CLPTM1L: variants seen among roughly 807,000 people sequenced by gnomAD.
CLPTM1L encodes CLPTM1 like.
Under a neutral mutation model 70.9 loss-of-function variants are expected in CLPTM1L, and 38 were observed. That is an observed-to-expected ratio of 0.54 (90% CI 0.41 to 0.70). The LOEUF (loss-of-function observed/expected upper bound fraction) is 0.70, where lower values mean the gene tolerates loss of function less well. Ranked by LOEUF, CLPTM1L falls within the 30% of genes least tolerant of loss-of-function variation. The pLI, the probability that CLPTM1L is intolerant of heterozygous loss-of-function variation, is 0.00. For missense variants in CLPTM1L, 652 were observed against 705.9 expected (o/e 0.92, Z 0.87); for synonymous variants, 339 against 299.9 (o/e 1.13, Z -1.35).
chr5:1,339,077 T>TA, intron 3 of CLPTM1L, 72 bp from the exon 4 acceptor site: 1 of 1,531,438 alleles, frequency 6.5e-7, no homozygotes, highest in Non-Finnish European at 8.8e-7. Flanking sequence ...GTCAGCCCCC[T>TA]AACCTGCGAA....
rs62329705 is a variant in CLPTM1L at position 1,333,661 on chromosome 5, G to A, written c.891+628C>T. Among the ~76,000 whole-genome samples, 381 of 59,348 alleles carry A rather than the reference G, an allele frequency of 6.4e-3. 2 individuals carry two copies. The highest frequency in any genetic ancestry group is 0.014 in the East Asian group (26 of 1,828). The allele number at this position is 59,348 out of a possible 152,430, so 38.9% of individuals were successfully genotyped here. On this transcript the variant is annotated intron_variant, in intron 7 of 16. Coordinates refer to ENST00000320895, the MANE Select transcript of CLPTM1L (RefSeq NM_030782.5). The stretch of plus-strand genomic sequence containing the variant: ...TAAGGGGGACTACTGTATACACACC[G>A]GCTGAGGATAAGGGGGGACTACTGT...
At chr5:1,331,973 G>T in intron 7 of CLPTM1L, 90 bp from the exon 8 acceptor site, 1 of 1,030,766 alleles carries the variant, frequency 9.7e-7, no homozygotes. Context: ...GTGACCGTGA[G>T]ACTGCAGGTG....
intron 9 of CLPTM1L, among the ~76,000 whole-genome samples, chr5:1,329,574 T>C (rs113771751): frequency 0.052 from 4,425 of 85,258 alleles, 23 homozygotes; most frequent in East Asian, 0.11. Flanking sequence ...GACTCTCTGC[T>C]TGGTGGACAG....
At chr5:1,344,477 C>G (rs1560875533) in intron 1 of CLPTM1L, 26 bp from the exon 2 acceptor site, 11 of 1,592,116 alleles carry the variant, frequency 6.9e-6, no homozygotes. Context: ...CGTCGAGAGT[C>G]AGCTCGGCCA....
rs553683279 is a variant in CLPTM1L, at chr5:1,318,954, C to A, written c.1533-501G>T. Among the ~76,000 whole-genome samples, 1 of 152,364 alleles carries A rather than the reference C, an allele frequency of 6.6e-6. No homozygotes were observed. Among genetic ancestry groups the A allele is most frequent in the East Asian group, 1.9e-4 (1 of 5,190 alleles). ...TGGCATAAGGGGCAGCTCTACACGG[C>A]CGCGAACAGAAGTACAGGGTTTCAG... On this transcript the variant is annotated intron_variant, in intron 16 of 16. Coordinates refer to ENST00000320895, the MANE Select transcript of CLPTM1L (RefSeq NM_030782.5). The surrounding 1 kb of genome is among the most constrained non-coding windows in gnomAD (Gnocchi z 8.9).
intron 7 of CLPTM1L, among the ~76,000 whole-genome samples, chr5:1,332,995 AGGATAAGGGGGGAATACTGTAGACACACC>A (rs1353854188): frequency 1.3e-4 from 19 of 149,906 alleles, no homozygotes; most frequent in South Asian, 4.3e-4. Flanking sequence ...ACACGGGATG[AGGATAAGGGGGGAATACTGTAGACACACC>A]GGATAAGGGG....
intron 11 of CLPTM1L, among the ~76,000 whole-genome samples, chr5:1,324,557 A>G (rs1376493644): frequency 2.0e-5 from 3 of 152,150 alleles, no homozygotes; most frequent in Non-Finnish European, 4.4e-5. Flanking sequence ...TGTGCCTGTA[A>G]GGACTGGGAA....
Position 1,322,188 on chromosome 5 carries a change from C to T in CLPTM1L, c.1316-369G>A, listed in dbSNP as rs556861425. Among the ~76,000 whole-genome samples, 15 of 152,312 alleles carry T rather than the reference C, an allele frequency of 9.8e-5. No individual in the cohort carries two copies. In the South Asian group the frequency reaches 1.7e-3, roughly 17 times the overall value. Reference sequence around the variant, plus strand: ...GGTGTGGGACTCCTACCAGGGAGGACGGCAGTGCGGGACCCACCTGCTCTG... The same window carrying T: ...GGTGTGGGACTCCTACCAGGGAGGATGGCAGTGCGGGACCCACCTGCTCTG... On this transcript the variant is annotated intron_variant, in intron 13 of 16. Transcript: ENST00000320895.
Position 1,320,647 on chromosome 5 carries a change from C to G in CLPTM1L, c.1501G>C (p.Val501Leu). ...SHRLACFRDD[V>L]VFLVYLYQRW... ...TGGTACAGGTAGACCAGAAACACCACGTCGTCCCGGAAGCAGGCCAGCCGG... is the reference window on the plus strand; with the variant it reads ...TGGTACAGGTAGACCAGAAACACCAGGTCGTCCCGGAAGCAGGCCAGCCGG... Residue 501 changes from valine to leucine, a missense_variant, in exon 16 of 17, where the codon GTG becomes CTG. Coordinates refer to ENST00000320895, the MANE Select transcript of CLPTM1L (RefSeq NM_030782.5). 2 of 1,546,080 alleles carry G rather than the reference C, an allele frequency of 1.3e-6. No homozygotes were observed. Among genetic ancestry groups the G allele is most frequent in the Non-Finnish European group, 1.7e-6 (2 of 1,144,368 alleles).
Position 1,339,995 on chromosome 5 carries a change from C to T in CLPTM1L, c.454-990G>A, listed in dbSNP as rs183430719. 6.6e-5 allele frequency among the ~76,000 whole-genome samples: 10 copies of T among 152,316 alleles called. No individual in the cohort carries two copies. In the East Asian group the frequency reaches 1.7e-3, roughly 26 times the overall value. ...ACCCTAACCTGTGAACAGATGGCCACGCACAGGCACAACCGGGGGAGAGCC... is the reference window on the plus strand; with the variant it reads ...ACCCTAACCTGTGAACAGATGGCCATGCACAGGCACAACCGGGGGAGAGCC... On this transcript the variant is annotated intron_variant, in intron 3 of 16. Coordinates refer to ENST00000320895, the MANE Select transcript of CLPTM1L (RefSeq NM_030782.5).
At chr5:1,326,027 G>A (rs1281606330) in intron 9 of CLPTM1L, 6 of 563,244 alleles carry the variant, frequency 1.1e-5, no homozygotes, top group African/African-American at 9.4e-5. Flanking sequence ...GGTCAGGTGG[G>A]CTGCACAGCC....
At chr5:1,325,017 C>T (rs1413787457) in intron 10 of CLPTM1L, 1 of 603,178 alleles carries the variant, frequency 1.7e-6, no homozygotes, top group Non-Finnish European at 3.0e-6. Flanking sequence ...GGCCCTGGGT[C>T]CCACAAGCCT....
intron 3 of CLPTM1L, among the ~76,000 whole-genome samples, chr5:1,339,393 C>G (rs182467416): frequency 7.3e-6 from 1 of 136,320 alleles, no homozygotes; most frequent in Non-Finnish European, 1.6e-5. Context: ...GCAGGGTCAG[C>G]ACCCTAACCT....
Position 1,338,909 on chromosome 5 carries a change from C to T in CLPTM1L, c.550G>A (p.Val184Ile). ...LALNVMADNF[V>I]FDGSSLPADV... The stretch of plus-strand genomic sequence containing the variant: ...GCAGGCAGGGAGGACCCGTCAAAGA[C>T]AAAGTTGTCCGCCATCACGTTCAGC... The change falls in exon 4 of 17, where the codon GTC becomes ATC. Residue 184 changes from valine to isoleucine, a missense_variant. Physicochemically the swap from Val to Ile is conservative, Grantham distance 29. Around this residue, in one of 3 missense-constraint regions of CLPTM1L, gnomAD observed 402 missense variants for 388.2 expected, o/e 1.04. Transcript: ENST00000320895. The T allele has an allele frequency of 6.2e-7, 1 of 1,613,374 alleles. No homozygotes were observed. Among genetic ancestry groups the T allele is most frequent in the Non-Finnish European group, 8.5e-7 (1 of 1,180,052 alleles).
intron 3 of CLPTM1L, among the ~76,000 whole-genome samples, chr5:1,339,565 C>T (rs1407427733): frequency 4.3e-5 from 5 of 116,678 alleles, no homozygotes; most frequent in Admixed American, 1.8e-4. Context: ...GGAAAAACCG[C>T]GCCCGGACAG....
chr5:1,344,401 G>A lies in CLPTM1L; in HGVS notation c.213C>T (p.Ile71=), dbSNP rs1341619913. The A allele has an allele frequency of 5.6e-6, 9 of 1,613,732 alleles. No individual in the cohort carries two copies. The highest frequency in any genetic ancestry group is 4.5e-5 in the East Asian group (2 of 44,900). Residue 71 remains isoleucine (I), a synonymous_variant, in exon 2 of 17, where the codon ATC becomes ATT. Coordinates refer to ENST00000320895, the MANE Select transcript of CLPTM1L (RefSeq NM_030782.5). ...TRSHLGAENN[I]DLVLNVEDFD... ...AGTCTTCCACATTCAAGACCAGGTC[G>A]ATGTTGTTCTCAGCACCCAGGTGGG...
At chr5:1,322,788 G>C in intron 13 of CLPTM1L, 89 bp downstream of exon 13, 1 of 1,352,336 alleles carries the variant, frequency 7.4e-7, no homozygotes. Flanking sequence ...TCACAGGGGG[G>C]CTTGCCACAC....
chr5:1,343,554 G>A (rs1178537180), intron 2 of CLPTM1L, among the ~76,000 whole-genome samples: 1 of 152,212 alleles, frequency 6.6e-6, no homozygotes, highest in Non-Finnish European at 1.5e-5. Flanking sequence ...GGTGTGGGCA[G>A]CTACAACCGA....
rs948251862 is a variant in CLPTM1L, at chr5:1,318,778, C to G, written c.1533-325G>C. On this transcript the variant is annotated intron_variant, in intron 16 of 16. Coordinates refer to ENST00000320895, the MANE Select transcript of CLPTM1L (RefSeq NM_030782.5). This position sits in a 1 kb window ranked among gnomAD's most constrained non-coding sequence, Gnocchi z 8.9. ...CTGCCTTCTGGGAACGGTGGCATCA[C>G]GGAGACTCGAGTGATCAGAACAGGA... Among the ~76,000 whole-genome samples, 2 of 152,120 alleles carry G rather than the reference C, an allele frequency of 1.3e-5. No individual in the cohort carries two copies. The highest frequency in any genetic ancestry group is 4.1e-4 in the South Asian group (2 of 4,830).
Sources: allele counts gnomAD v4.1 joint callset (sites outside exome capture counted in the v4.1 genomes callset), GRCh38; gene constraint gnomAD v4.1.1; regional missense constraint gnomAD v4.1.1; non-coding constraint Gnocchi (gnomAD v3.1); transcripts MANE v1.5; gene names NCBI Gene and HGNC (gene_info 2026-07-23, HGNC 2026-07-21).